Variants in SAMD3 observed in about 807,000 individuals in gnomAD.
SAMD3 encodes sterile alpha motif domain containing 3.
In SAMD3, 63 loss-of-function variants were observed where a neutral mutation model predicts 58.5. The ratio of observed to expected loss-of-function variants is 1.08; its 90% CI spans 0.88 to 1.33. The LOEUF (loss-of-function observed/expected upper bound fraction) is 1.33, where lower values mean the gene tolerates loss of function less well. Ranked by LOEUF, SAMD3 falls within the 40% of genes most tolerant of loss-of-function variation. SAMD3 has a pLI of 0.00. For synonymous variants in SAMD3, 220 were observed against 210.3 expected (o/e 1.05, Z -0.40); for missense variants, 604 against 608.4 (o/e 0.99, Z 0.08).
At chr6:130,198,215 G>A (rs752158330) in intron 5 of SAMD3, among the ~76,000 whole-genome samples, 3 of 152,086 alleles carry the variant, frequency 2.0e-5, no homozygotes, top group Non-Finnish European at 2.9e-5. Flanking sequence ...TCACACGGAC[G>A]CGCATGAAAA....
At chr6:130,365,608 C>T (rs1014660574), upstream of SAMD3, 1 of 985,448 alleles carries the variant, frequency 1.0e-6, no homozygotes, top group African/African-American at 1.7e-5. Flanking sequence ...CTGGGGGAGC[C>T]GGGTCCCTGG....
chr6:130,256,743 C>T (rs984400327), intron 2 of SAMD3, among the ~76,000 whole-genome samples: 3 of 152,176 alleles, frequency 2.0e-5, no homozygotes, highest in African/African-American at 7.2e-5. Context: ...AAAAATAAAA[C>T]ATTTTATGGT....
At chr6:130,245,318 T>C (rs2114900810) in intron 2 of SAMD3, among the ~76,000 whole-genome samples, 1 of 152,360 alleles carries the variant, frequency 6.6e-6, no homozygotes, top group Non-Finnish European at 1.5e-5. Flanking sequence ...CAAGTAACGT[T>C]ATTTCAACAT....
intron 2 of SAMD3, 77 bp from the exon 3 acceptor site, chr6:130,215,371 G>A (rs779142158): frequency 2.5e-5 from 31 of 1,249,702 alleles, no homozygotes; most frequent in South Asian, 9.0e-5. Flanking sequence ...ACAGTCAGCC[G>A]CTTCCTTTGC....
At chr6:130,348,838 C>T (rs1454139050) in intron 1 of SAMD3, among the ~76,000 whole-genome samples, 5 of 152,088 alleles carry the variant, frequency 3.3e-5, no homozygotes, top group African/African-American at 1.2e-4. Flanking sequence ...GTAAAGCACT[C>T]CTCAGCAAAT....
intron 2 of SAMD3, among the ~76,000 whole-genome samples, chr6:130,293,745 A>ACCAGATT: frequency 6.6e-6 from 1 of 151,446 alleles, no homozygotes; most frequent in Non-Finnish European, 1.5e-5. Flanking sequence ...GGATTGTGTC[A>ACCAGATT]CCAGATTTAG....
chr6:130,145,546 A>T (rs1441285627), intron 10 of SAMD3, 124 bp from the exon 11 acceptor site: 1 of 591,630 alleles, frequency 1.7e-6, no homozygotes, highest in Non-Finnish European at 3.0e-6. Context: ...GCCTTCTTAG[A>T]TCAATGTTTC....
intron 2 of SAMD3, among the ~76,000 whole-genome samples, chr6:130,273,994 T>G (rs1234369010): frequency 6.6e-6 from 1 of 152,224 alleles, no homozygotes; most frequent in Admixed American, 6.5e-5. Flanking sequence ...TTTACACTTT[T>G]ATATGCTTCT....
intron 5 of SAMD3, among the ~76,000 whole-genome samples, chr6:130,200,252 C>T (rs2114782864): frequency 6.6e-6 from 1 of 152,120 alleles, no homozygotes; most frequent in South Asian, 2.1e-4. Flanking sequence ...CTCAGTCCCT[C>T]TTTTCTTTTT....
At chr6:130,163,710 A>C (rs1790470203) in intron 8 of SAMD3, among the ~76,000 whole-genome samples, 1 of 152,208 alleles carries the variant, frequency 6.6e-6, no homozygotes, top group Admixed American at 6.5e-5. Flanking sequence ...TAAAATAATT[A>C]GTATTTATGC....
intron 2 of SAMD3, among the ~76,000 whole-genome samples, chr6:130,290,121 A>G (rs1177522559): frequency 6.6e-6 from 1 of 152,102 alleles, no homozygotes; most frequent in Non-Finnish European, 1.5e-5. Flanking sequence ...ATATACATGT[A>G]TTAGTCAGGG....
intron 5 of SAMD3, among the ~76,000 whole-genome samples, chr6:130,190,928 C>T (rs1793484815): frequency 6.6e-6 from 1 of 151,968 alleles, no homozygotes; most frequent in African/African-American, 2.4e-5. Context: ...TGTCCAATTT[C>T]AAACACTATT....
In SAMD3 at chr6:130,215,246, AG is replaced by A; in HGVS notation, c.27del (p.Cys10AlafsTer9). 6.2e-7 allele frequency: 1 copy of A among 1,611,616 alleles called. No homozygotes were observed. The highest frequency in any genetic ancestry group is 1.1e-5 in the South Asian group (1 of 90,866). ...AAATTTTTCTCCACCAACCAACTGC[AG>A]ACCTGCTCAACTGACCAGGTTTCCA... METWSVEQ[V>X]CSWLVEKNLG... On this transcript the variant is annotated frameshift_variant, in exon 3 of 12. Coordinates refer to ENST00000439090, the MANE Select transcript of SAMD3 (RefSeq NM_001017373.4). LOFTEE classifies it high-confidence loss of function.
chr6:130,281,451 A>G lies in SAMD3; in HGVS notation c.-188+31527T>C, dbSNP rs145466187. 1.0e-3 allele frequency among the ~76,000 whole-genome samples: 156 copies of G among 152,236 alleles called. 1 individual carries two copies. Among genetic ancestry groups the G allele is most frequent in the Middle Eastern group, 3.4e-3 (1 of 294 alleles). On this transcript the variant is annotated intron_variant, in intron 2 of 13. Transcript: ENST00000368134. ...GGGAAGACAGAGCCCACATTTTCCA[A>G]AAGAACTTGAAAGCTTGTGAATGAA...
upstream of SAMD3, chr6:130,365,459 G>A (rs1359221317): frequency 4.1e-6 from 4 of 985,442 alleles, no homozygotes; most frequent in Admixed American, 6.1e-5. Flanking sequence ...CGCAGCGCCC[G>A]CGCAGCCCGC....
At chr6:130,327,693 A>G (rs1394947713) in intron 1 of SAMD3, among the ~76,000 whole-genome samples, 1 of 152,216 alleles carries the variant, frequency 6.6e-6, no homozygotes. Context: ...TGGAACAGAT[A>G]TTGATATTAA....
At chr6:130,348,874 C>A (rs1209709781) in intron 1 of SAMD3, among the ~76,000 whole-genome samples, 3 of 151,642 alleles carry the variant, frequency 2.0e-5, no homozygotes, top group African/African-American at 7.3e-5. Flanking sequence ...TTATAACAAA[C>A]TGTCTCTCAG....
intron 2 of SAMD3, among the ~76,000 whole-genome samples, chr6:130,236,278 T>C (rs1038538335): frequency 2.0e-5 from 3 of 152,232 alleles, no homozygotes; most frequent in African/African-American, 7.2e-5. Context: ...GTCTGTGCTA[T>C]TTTGTTACAC....
intron 1 of SAMD3, among the ~76,000 whole-genome samples, chr6:130,319,430 CA>C (rs1190785997): frequency 6.6e-6 from 1 of 151,312 alleles, no homozygotes; most frequent in African/African-American, 2.4e-5. Context: ...GGAAAAAAGA[CA>C]AGGAGGAGAG....
Sources: gnomAD v4.1 joint callset for allele counts (sites outside exome capture counted in the v4.1 genomes callset) on GRCh38, gnomAD v4.1.1 for gene constraint, MANE v1.5 for transcripts, NCBI Gene and HGNC (gene_info 2026-07-23, HGNC 2026-07-21) for gene names.